PPM1H: variants seen among roughly 807,000 people sequenced by gnomAD.
The protein encoded by PPM1H is protein phosphatase 1H.
A neutral mutation model predicts 54.9 loss-of-function variants in PPM1H; 27 were observed. The observed-to-expected ratio is 0.49, with a 90% confidence interval of 0.36 to 0.68. The LOEUF (loss-of-function observed/expected upper bound fraction) is 0.68. PPM1H is among the 30% of genes least tolerant of loss of function. The probability of loss-of-function intolerance (pLI) is 0.00; values close to 1 mark genes in which losing one functional copy is unlikely to be tolerated. For synonymous variants in PPM1H, 305 were observed against 270.8 expected (o/e 1.13, Z -1.24); for missense variants, 596 against 667.8 (o/e 0.89, Z 1.19).
chr12:62,913,229 T>G (rs1050141458), intron 1 of PPM1H, among the ~76,000 whole-genome samples: 1 of 152,086 alleles, frequency 6.6e-6, no homozygotes, highest in Non-Finnish European at 1.5e-5. Flanking sequence ...AAAGGGAATG[T>G]GGTGAGAAAA....
chr12:62,833,559 A>C (rs1868414384), intron 1 of PPM1H, among the ~76,000 whole-genome samples: 1 of 152,134 alleles, frequency 6.6e-6, no homozygotes, highest in Non-Finnish European at 1.5e-5. Context: ...TTCTTACATC[A>C]AATAGCTTTT....
intron 1 of PPM1H, among the ~76,000 whole-genome samples, chr12:62,867,750 T>G (rs535985891): frequency 1.3e-5 from 2 of 151,664 alleles, no homozygotes; most frequent in African/African-American, 4.8e-5. Context: ...GCTATTTTTT[T>G]TTTTTCTGTA....
At chr12:62,867,928 T>C (rs1869842898) in intron 1 of PPM1H, among the ~76,000 whole-genome samples, 1 of 152,136 alleles carries the variant, frequency 6.6e-6, no homozygotes, top group Non-Finnish European at 1.5e-5. Flanking sequence ...CAGCAGCTGG[T>C]GTAAATGCCC....
intron 4 of PPM1H, among the ~76,000 whole-genome samples, chr12:62,762,511 A>G (rs2076515228): frequency 6.6e-6 from 1 of 152,222 alleles, no homozygotes; most frequent in Admixed American, 6.5e-5. Context: ...TAACTTATGC[A>G]TACCCCGAAA....
At chr12:62,873,052 AAC>A (rs1488926993) in intron 1 of PPM1H, among the ~76,000 whole-genome samples, 2 of 152,242 alleles carry the variant, frequency 1.3e-5, no homozygotes, top group Non-Finnish European at 2.9e-5. Flanking sequence ...GAAGCAAAAA[AAC>A]AGAGGTTAAA....
At position 62,679,675 on chromosome 12, in the gene PPM1H, A is replaced by G. The variant is rs368441583; in HGVS notation, c.1245+10024T>C. Among the ~76,000 whole-genome samples the G allele has an allele frequency of 4.6e-5, 7 of 152,316 alleles. 1 individual carries two copies. On this transcript the variant is annotated intron_variant, in intron 8 of 9. Coordinates refer to ENST00000228705, the MANE Select transcript of PPM1H (RefSeq NM_020700.2). Reference sequence around the variant, plus strand: ...TGGAAGCTGAGGTCCCTTTCCTTTGAGAAATGTTTACATAAATGTTTCCTG... The same window carrying G: ...TGGAAGCTGAGGTCCCTTTCCTTTGGGAAATGTTTACATAAATGTTTCCTG...
At chr12:62,692,033 G>A (rs189270068) in intron 7 of PPM1H, among the ~76,000 whole-genome samples, 4 of 152,284 alleles carry the variant, frequency 2.6e-5, no homozygotes, top group Admixed American at 1.3e-4. Flanking sequence ...CCTTGTTTAC[G>A]AAGTATCCAG....
intron 4 of PPM1H, among the ~76,000 whole-genome samples, chr12:62,743,827 T>C (rs1014168983): frequency 1.3e-5 from 2 of 151,952 alleles, no homozygotes; most frequent in Admixed American, 6.6e-5. Flanking sequence ...AAATGCACAC[T>C]AAAGTAAAAG....
chr12:62,662,674 G>A (rs982032778), intron 9 of PPM1H, among the ~76,000 whole-genome samples: 2 of 152,170 alleles, frequency 1.3e-5, no homozygotes, highest in Admixed American at 1.3e-4. Context: ...AACTCGGGAA[G>A]TAATTATAGA....
At chr12:62,835,169 G>A (rs531510572) in intron 1 of PPM1H, among the ~76,000 whole-genome samples, 5 of 152,284 alleles carry the variant, frequency 3.3e-5, no homozygotes, top group East Asian at 1.9e-4. Context: ...CACCACTGCC[G>A]TTTCCAACAG....
chr12:62,722,168 A>G (rs1178693525), intron 5 of PPM1H, among the ~76,000 whole-genome samples: 1 of 152,168 alleles, frequency 6.6e-6, no homozygotes, highest in Non-Finnish European at 1.5e-5. Context: ...TCCGCCCATG[A>G]AAACTAAGGA....
chr12:62,910,365 G>A (rs1871418296), intron 1 of PPM1H, among the ~76,000 whole-genome samples: 1 of 152,116 alleles, frequency 6.6e-6, no homozygotes, highest in Non-Finnish European at 1.5e-5. Flanking sequence ...GGAAAAGTTT[G>A]AATAACCTAA....
intron 4 of PPM1H, among the ~76,000 whole-genome samples, chr12:62,772,103 A>G (rs995557462): frequency 6.6e-6 from 1 of 152,164 alleles, no homozygotes; most frequent in African/African-American, 2.4e-5. Flanking sequence ...CAAACCCTAT[A>G]CTTTTGGTGA....
Position 62,796,491 on chromosome 12 carries a change from T to C in PPM1H, c.756+5325A>G, listed in dbSNP as rs557295538. ...GTGGCTCACAGAAATCAGGAAAAAT[T>C]TACTTACATTTGCTAGTTCATTATA... On this transcript the variant is annotated intron_variant, in intron 3 of 9. Transcript: ENST00000228705. 3.9e-5 allele frequency among the ~76,000 whole-genome samples: 6 copies of C among 152,294 alleles called. No homozygotes were observed. The South Asian group carries it at 1.2e-3, about 32-fold the overall frequency.
intron 1 of PPM1H, among the ~76,000 whole-genome samples, chr12:62,862,344 G>GA (rs1869631615): frequency 6.6e-6 from 1 of 152,060 alleles, no homozygotes; most frequent in South Asian, 2.1e-4. Flanking sequence ...GTTTTTGCAT[G>GA]AAAAAACAGA....
chr12:62,912,403 C>T (rs1362820540), intron 1 of PPM1H, among the ~76,000 whole-genome samples: 1 of 152,190 alleles, frequency 6.6e-6, no homozygotes, highest in East Asian at 1.9e-4. Context: ...CTCCGTGTCT[C>T]TTCTCTCAGG....
At chr12:62,842,380 A>AT (rs200865224) in intron 1 of PPM1H, among the ~76,000 whole-genome samples, 1 of 151,974 alleles carries the variant, frequency 6.6e-6, no homozygotes, top group Non-Finnish European at 1.5e-5. Context: ...TTTAAACAAA[A>AT]TTTTTTTTGA....
intron 3 of PPM1H, among the ~76,000 whole-genome samples, chr12:62,791,695 T>C (rs1184914539): frequency 6.6e-6 from 1 of 152,086 alleles, no homozygotes; most frequent in East Asian, 1.9e-4. Context: ...CTCAGGCAGG[T>C]GGATCACCTG....
chr12:62,748,312 C>T (rs2076423744), intron 4 of PPM1H, among the ~76,000 whole-genome samples: 1 of 152,186 alleles, frequency 6.6e-6, no homozygotes, highest in South Asian at 2.1e-4. Flanking sequence ...CATCTGAAGT[C>T]CAATTCCAAA....
Sources: allele counts gnomAD v4.1 joint callset (sites outside exome capture counted in the v4.1 genomes callset), GRCh38; gene constraint gnomAD v4.1.1; transcripts MANE v1.5; gene names NCBI Gene and HGNC (gene_info 2026-07-23, HGNC 2026-07-21).